The following SCNN1B variants were observed in gnomAD, a reference collection of about 807,000 sequenced individuals.
SCNN1B encodes epithelial sodium channel subunit beta.
Under a neutral mutation model 65.3 loss-of-function variants are expected in SCNN1B, and 46 were observed. The observed-to-expected ratio is 0.70, with a 90% CI of 0.56 to 0.90. SCNN1B has a LOEUF of 0.90. Ranked by LOEUF, SCNN1B falls within the 40% of genes least tolerant of loss-of-function variation. The probability of loss-of-function intolerance (pLI) is 0.00; values close to 1 mark genes in which losing one functional copy is unlikely to be tolerated. For missense variants in SCNN1B, 751 were observed against 830.5 expected, an observed-to-expected ratio of 0.90 and a Z score of 1.18; for synonymous variants, 349 against 330.6, an observed-to-expected ratio of 1.06 and a Z score of -0.60.
rs140168578 is a variant in SCNN1B at position 23,322,663 on chromosome 16, C to G, written c.-9+20226C>G. On this transcript the variant is annotated intron_variant, in intron 1 of 12. Transcript: ENST00000343070. ...TTTTAAAAAGTAAAAATAAACAGATCAAACTAATTTTATTAATATATTTCA... is the reference window on the plus strand; with the variant it reads ...TTTTAAAAAGTAAAAATAAACAGATGAAACTAATTTTATTAATATATTTCA... Among the ~76,000 whole-genome samples, 420 of 152,190 alleles carry G rather than the reference C, an allele frequency of 2.8e-3. 1 individual carries two copies. The highest frequency in any genetic ancestry group is 9.8e-3 in the African/African-American group (406 of 41,532).
chr16:23,370,458 T>C (rs369546821), intron 5 of SCNN1B, among the ~76,000 whole-genome samples: 3 of 152,266 alleles, frequency 2.0e-5, no homozygotes, highest in East Asian at 1.9e-4. Flanking sequence ...AGGTAGCAAG[T>C]GCTCAACTAG....
chr16:23,351,319 T>C (rs1483633747), intron 2 of SCNN1B, among the ~76,000 whole-genome samples: 1 of 152,072 alleles, frequency 6.6e-6, no homozygotes, highest in Non-Finnish European at 1.5e-5. Flanking sequence ...ATCCCCCTGT[T>C]TTGTAGATGA....
chr16:23,338,961 A>T (rs998657033), intron 1 of SCNN1B, among the ~76,000 whole-genome samples: 1 of 152,194 alleles, frequency 6.6e-6, no homozygotes, highest in South Asian at 2.1e-4. Flanking sequence ...TTAATGAACC[A>T]CCATCCCATT....
intron 4 of SCNN1B, among the ~76,000 whole-genome samples, chr16:23,365,875 C>T (rs1442895018): frequency 3.9e-5 from 6 of 152,352 alleles, no homozygotes; most frequent in African/African-American, 7.2e-5. Context: ...GAGCTTGGGT[C>T]GGCCCCCATA....
intron 1 of SCNN1B, among the ~76,000 whole-genome samples, chr16:23,306,105 T>C (rs9928654): frequency 0.062 from 9,493 of 152,044 alleles, 1,001 homozygotes; most frequent in African/African-American, 0.22. Flanking sequence ...TAGCTGGGCA[T>C]GGTGGTGGGT....
At chr16:23,311,033 C>T (rs867149354) in intron 1 of SCNN1B, among the ~76,000 whole-genome samples, 8 of 152,216 alleles carry the variant, frequency 5.3e-5, no homozygotes, top group African/African-American at 1.4e-4. Flanking sequence ...GGGTGCAAAT[C>T]GGTGCAAGCT....
chr16:23,344,013 T>G (rs1962134719), intron 1 of SCNN1B, among the ~76,000 whole-genome samples: 1 of 152,228 alleles, frequency 6.6e-6, no homozygotes, highest in Non-Finnish European at 1.5e-5. Context: ...GCCAGACTAG[T>G]TAGATGCTCA....
At chr16:23,309,410 T>TGATAGATGATA (rs140958868) in intron 1 of SCNN1B, among the ~76,000 whole-genome samples, 2 of 150,814 alleles carry the variant, frequency 1.3e-5, no homozygotes, top group African/African-American at 4.9e-5. Context: ...AGATAAATGA[T>TGATAGATGATA]GATAGATAGA....
intron 1 of SCNN1B, among the ~76,000 whole-genome samples, chr16:23,333,135 GAGGAAGGAAGGAAAGAAGGAAGGA>G (rs1567300480): frequency 4.5e-5 from 4 of 88,162 alleles, no homozygotes; most frequent in African/African-American, 2.2e-4. Flanking sequence ...GGGAGGGAGG[GAGGAAGGAAGGAAAGAAGGAAGGA>G]AGGAAGGAAG....
chr16:23,306,037 G>A (rs1453646285), intron 1 of SCNN1B, among the ~76,000 whole-genome samples: 4 of 152,222 alleles, frequency 2.6e-5, no homozygotes, highest in African/African-American at 4.8e-5. Flanking sequence ...GAGTTCAGGC[G>A]TTCGAGACCA....
chr16:23,302,420 G>C lies in SCNN1B; in HGVS notation c.-26G>C, dbSNP rs1961103865. On this transcript the variant is annotated 5_prime_UTR_variant, in exon 1 of 13. Coordinates refer to ENST00000343070, the MANE Select transcript of SCNN1B (RefSeq NM_000336.3). ...GACAGCGCGCATCCTCCGTGTCCCC[G>C]CTCCGCCGCCCGAGCAGGTATGACG... The C allele has an allele frequency of 6.3e-6, 1 of 157,624 alleles. No individual in the cohort carries two copies. Among genetic ancestry groups the C allele is most frequent in the Admixed American group, 6.5e-5 (1 of 15,338 alleles). 9.8% of individuals were successfully genotyped at this position (157,624 alleles called of 1,614,324 possible).
At position 23,285,669 on chromosome 16, in the gene SCNN1B, A is replaced by T. The variant is rs11644543; in HGVS notation, n.178+1865A>T. 4.5e-3 allele frequency among the ~76,000 whole-genome samples: 676 copies of T among 151,856 alleles called. 1 individual carries two copies. The highest frequency in any genetic ancestry group is 7.2e-3 in the Non-Finnish European group (486 of 67,960). On this transcript the variant is annotated intron_variant and non_coding_transcript_variant, in intron 2 of 3. Transcript: ENST00000569789. ...GTAAAAAAACAATAATAATAAAAAA[A>T]AATAATAAAAAATACAATAATAGTC... is the stretch of plus-strand genomic sequence containing the variant.
chr16:23,368,058 G>GC (rs1003513688), intron 5 of SCNN1B, 99 bp downstream of exon 5: 93 of 956,452 alleles, frequency 9.7e-5, no homozygotes, highest in Non-Finnish European at 1.5e-4. Flanking sequence ...TGGGACTGAG[G>GC]GGGGACCAAG....
chr16:23,298,823 A>G (rs958296096), upstream of SCNN1B, among the ~76,000 whole-genome samples: 32 of 152,170 alleles, frequency 2.1e-4, no homozygotes, highest in Non-Finnish European at 4.4e-5. Context: ...CCAGCCTAAC[A>G]TCAACCAGTC....
intron 10 of SCNN1B, among the ~76,000 whole-genome samples, chr16:23,378,494 G>A (rs1026990865): frequency 7.2e-5 from 11 of 152,256 alleles, no homozygotes; most frequent in East Asian, 5.8e-4. Flanking sequence ...CAGGCCCGCC[G>A]AGGAAGAGTC....
At chr16:23,332,015 C>T (rs566934489) in intron 1 of SCNN1B, among the ~76,000 whole-genome samples, 18 of 151,934 alleles carry the variant, frequency 1.2e-4, no homozygotes, top group Non-Finnish European at 2.1e-4. Context: ...GGAATGGGAT[C>T]TCTTGTCTTT....
intron 1 of SCNN1B, chr16:23,278,377 C>T (rs939549716): frequency 8.6e-5 from 13 of 151,914 alleles, no homozygotes; most frequent in Non-Finnish European, 1.5e-4. Context: ...TTTGTGGTGC[C>T]TATGGGACAT....
At chr16:23,357,965 G>C (rs1248315093) in intron 4 of SCNN1B, among the ~76,000 whole-genome samples, 1 of 152,258 alleles carries the variant, frequency 6.6e-6, no homozygotes, top group Non-Finnish European at 1.5e-5. Context: ...AACTTCAAGT[G>C]CATGGCCCAT....
rs1962231174 is a variant in SCNN1B at position 23,348,386 on chromosome 16, T to G, written c.-8-206T>G. ...TATAGTAGGCATTCAATAAATGCATTTTGGTTGATTAGATGGATGGATGGA... is the reference window on the plus strand; with the variant it reads ...TATAGTAGGCATTCAATAAATGCATGTTGGTTGATTAGATGGATGGATGGA... On this transcript the variant is annotated intron_variant, in intron 1 of 12. Coordinates refer to ENST00000343070, the MANE Select transcript of SCNN1B (RefSeq NM_000336.3). The surrounding 1 kb of genome is among the most constrained non-coding windows in gnomAD (Gnocchi z 4.5). Among the ~76,000 whole-genome samples the G allele has an allele frequency of 6.9e-6, 1 of 144,802 alleles. No individual in the cohort carries two copies. The highest frequency in any genetic ancestry group is 1.5e-5 in the Non-Finnish European group (1 of 67,398). The allele number at this position is 144,802 out of a possible 152,430, so 95.0% of individuals were successfully genotyped here. A position where few individuals can be genotyped will look rare whatever the true frequency, so the allele number is the denominator to read the frequency against.
Sources: allele counts gnomAD v4.1 joint callset (sites outside exome capture counted in the v4.1 genomes callset), GRCh38; gene constraint gnomAD v4.1.1; non-coding constraint Gnocchi (gnomAD v3.1); transcripts MANE v1.5; gene names NCBI Gene and HGNC (gene_info 2026-07-23, HGNC 2026-07-21).